Variants in MYO9A observed in about 807,000 individuals in gnomAD.
MYO9A encodes myosin IXA.
In MYO9A, 103 loss-of-function variants were observed where a neutral mutation model predicts 293.3. That is an observed-to-expected ratio of 0.35 (90% CI 0.30 to 0.41). MYO9A has a LOEUF of 0.41. MYO9A is among the 10% of genes least tolerant of loss of function. The pLI, the probability that MYO9A is intolerant of heterozygous loss-of-function variation, is 1.00. For missense variants in MYO9A, 2,685 were observed against 3,033.0 expected (o/e 0.89, Z 2.69); for synonymous variants, 1,001 against 1,035.7 (o/e 0.97, Z 0.64).
intron 9 of MYO9A, among the ~76,000 whole-genome samples, chr15:71,995,022 G>A (rs976610471): frequency 9.2e-5 from 14 of 152,180 alleles, no homozygotes; most frequent in African/African-American, 2.4e-4. Context: ...GTGAGCCACC[G>A]CACCCAGCCA....
intron 17 of MYO9A, among the ~76,000 whole-genome samples, chr15:71,934,781 CTTTTCTTTTTTTTTTT>C (rs2058584801): frequency 1.3e-5 from 1 of 79,966 alleles, no homozygotes; most frequent in Non-Finnish European, 2.6e-5. Context: ...TTTTTCTTTT[CTTTTCTTTTTTTTTTT>C]TTTTTTTTTT....
At chr15:71,870,974 A>C (rs2056493044) in intron 32 of MYO9A, among the ~76,000 whole-genome samples, 1 of 152,258 alleles carries the variant, frequency 6.6e-6, no homozygotes, top group Non-Finnish European at 1.5e-5. Context: ...CTGATACACT[A>C]TTAAAGAAAA....
At chr15:72,098,588 A>G (rs2080143844) in intron 1 of MYO9A, among the ~76,000 whole-genome samples, 1 of 152,196 alleles carries the variant, frequency 6.6e-6, no homozygotes, top group African/African-American at 2.4e-5. Context: ...AACCCTAAAT[A>G]AGTATAATAG....
chr15:72,111,590 A>C (rs2080783233), intron 1 of MYO9A, among the ~76,000 whole-genome samples: 1 of 151,984 alleles, frequency 6.6e-6, no homozygotes, highest in Non-Finnish European at 1.5e-5. Flanking sequence ...TTTACATAAA[A>C]ATTTTTTTAA....
At chr15:71,961,780 C>G (rs2075752237) in intron 13 of MYO9A, among the ~76,000 whole-genome samples, 1 of 152,074 alleles carries the variant, frequency 6.6e-6, no homozygotes, top group African/African-American at 2.4e-5. Flanking sequence ...GTGCAGTTGG[C>G]ACCATCATAG....
At chr15:72,017,985 G>C (rs962534835) in intron 6 of MYO9A, among the ~76,000 whole-genome samples, 3 of 152,078 alleles carry the variant, frequency 2.0e-5, no homozygotes, top group Non-Finnish European at 4.4e-5. Flanking sequence ...CCAGCACTTT[G>C]ACAGGCCAAG....
In MYO9A at chr15:71,852,033, G is replaced by A. The variant is rs908982999; in HGVS notation, c.6475+99C>T. ...CAAAAGCTTACCTTTGAATCTATAA[G>A]AATTAAACCACTAGAGGATGGCTTG... On this transcript the variant is annotated intron_variant, in intron 36 of 41. Coordinates refer to ENST00000356056, the MANE Select transcript of MYO9A (RefSeq NM_006901.4). 2.3e-6 allele frequency: 3 copies of A among 1,307,036 alleles called. No individual in the cohort carries two copies. In the African/African-American group the frequency reaches 4.5e-5, roughly 19 times the overall value. 81.0% of individuals were successfully genotyped at this position (1,307,036 alleles called of 1,614,324 possible).
At chr15:71,934,862 C>T (rs190931774) in intron 17 of MYO9A, among the ~76,000 whole-genome samples, 38 of 119,100 alleles carry the variant, frequency 3.2e-4, no homozygotes, top group African/African-American at 1.2e-3. Flanking sequence ...ATAGCTATGT[C>T]TTCAAACCAA....
intron 6 of MYO9A, among the ~76,000 whole-genome samples, chr15:72,015,360 C>T (rs1348932169): frequency 2.0e-5 from 3 of 152,142 alleles, no homozygotes; most frequent in Non-Finnish European, 4.4e-5. Flanking sequence ...ATTATGGTTT[C>T]AGGGTATCTT....
chr15:71,824,438 C>T lies in MYO9A; in HGVS notation c.*2142G>A, dbSNP rs150595879. 40 of 152,264 alleles carry T rather than the reference C, an allele frequency of 2.6e-4. No individual in the cohort carries two copies. Among genetic ancestry groups the T allele is most frequent in the African/African-American group, 9.4e-4 (39 of 41,548 alleles). The allele number at this position is 152,264 out of a possible 1,614,324, so 9.4% of individuals were successfully genotyped here. On this transcript the variant is annotated 3_prime_UTR_variant, in exon 42 of 42. Transcript: ENST00000356056. ...CAGGAAATTATTCCATAAGGGCAAT[C>T]TCTTTTTTTCATACAGGATTTAACC...
chr15:72,112,031 A>G (rs1430404098), intron 1 of MYO9A, among the ~76,000 whole-genome samples: 1 of 152,166 alleles, frequency 6.6e-6, no homozygotes, highest in Non-Finnish European at 1.5e-5. Flanking sequence ...TTAGAAATCT[A>G]GGTTTGAGAA....
intron 1 of MYO9A, among the ~76,000 whole-genome samples, chr15:72,078,186 T>C (rs1260434931): frequency 2.0e-5 from 3 of 152,110 alleles, no homozygotes; most frequent in Admixed American, 2.0e-4. Flanking sequence ...TTTACCCAAA[T>C]GAGCTAAAAA....
chr15:72,014,732 A>ATCT (rs2077274742), intron 6 of MYO9A, among the ~76,000 whole-genome samples: 3 of 144,806 alleles, frequency 2.1e-5, no homozygotes, highest in Non-Finnish European at 4.4e-5. Flanking sequence ...AAGAGAAGAG[A>ATCT]GAGAGAGAGA....
intron 11 of MYO9A, 31 bp downstream of exon 11, chr15:71,991,072 G>A: frequency 6.7e-7 from 1 of 1,495,358 alleles, no homozygotes; most frequent in Non-Finnish European, 8.9e-7. Context: ...GTGTGATGGG[G>A]GGACAAGTGT....
chr15:71,837,352 T>G (rs944325385), intron 39 of MYO9A, among the ~76,000 whole-genome samples: 4 of 152,082 alleles, frequency 2.6e-5, no homozygotes, highest in African/African-American at 4.8e-5. Context: ...AAAAACAAGC[T>G]AAAAACAGAA....
chr15:72,076,448 A>T (rs2150278799), intron 1 of MYO9A, among the ~76,000 whole-genome samples: 1 of 152,332 alleles, frequency 6.6e-6, no homozygotes, highest in Non-Finnish European at 1.5e-5. Context: ...AATCAAATAT[A>T]TTTCTAAATA....
chr15:72,010,343 AACTC>A lies in MYO9A; in HGVS notation c.1253+3_1253+6del, dbSNP rs758326037. 6.2e-7 allele frequency: 1 copy of A among 1,610,286 alleles called. No individual in the cohort carries two copies. The highest frequency in any genetic ancestry group is 8.5e-7 in the Non-Finnish European group (1 of 1,176,752). ...TAGAGATATAAAAATACAACAAGTA[AACTC>A]ACTGTCTTCGTGTCTTGGGAAGAAA... On this transcript the variant is annotated splice_donor_5th_base_variant and intron_variant, in intron 7 of 41. Coordinates refer to ENST00000356056, the MANE Select transcript of MYO9A (RefSeq NM_006901.4).
chr15:72,102,863 G>C (rs1272817888), intron 1 of MYO9A, among the ~76,000 whole-genome samples: 2 of 151,570 alleles, frequency 1.3e-5, no homozygotes, highest in Non-Finnish European at 2.9e-5. Flanking sequence ...AAAAATAAAA[G>C]GTATAAGGAT....
At chr15:71,838,562 AAACTGTTCCT>A (rs1468576276) in intron 39 of MYO9A, among the ~76,000 whole-genome samples, 1 of 152,194 alleles carries the variant, frequency 6.6e-6, no homozygotes, top group Non-Finnish European at 1.5e-5. Flanking sequence ...CTTTGCAGGC[AAACTGTTCCT>A]AAAATGAGAA....
Sources: gnomAD v4.1 joint callset for allele counts (sites outside exome capture counted in the v4.1 genomes callset) on GRCh38, gnomAD v4.1.1 for gene constraint, MANE v1.5 for transcripts, NCBI Gene and HGNC (gene_info 2026-07-23, HGNC 2026-07-21) for gene names.